SLC6A19: variants seen among roughly 807,000 people sequenced by gnomAD.
SLC6A19 encodes the protein sodium-dependent neutral amino acid transporter B(0)AT1.
SLC6A19 carries 67 observed loss-of-function variants against 68.3 expected under a neutral mutation model. The observed-to-expected ratio is 0.98, with a 90% CI of 0.81 to 1.20. The LOEUF is 1.20. Ranked by LOEUF, SLC6A19 falls within the 50% of genes most tolerant of loss-of-function variation. The pLI is 0.00. For missense variants in SLC6A19, 813 were observed against 851.6 expected (o/e 0.95, Z 0.56); for synonymous variants, 392 against 374.9 (o/e 1.05, Z -0.53).
At chr5:1,219,164 G>T in intron 9 of SLC6A19, 57 bp downstream of exon 9, 2 of 1,523,550 alleles carry the variant, frequency 1.3e-6, no homozygotes. Flanking sequence ...TGGGATGGCA[G>T]CCCCCGGCTG....
Position 1,215,392 on chromosome 5 carries a change from G to A in SLC6A19, c.888-1166G>A, listed in dbSNP as rs549461058. Among the ~76,000 whole-genome samples, 12 of 152,284 alleles carry A rather than the reference G, an allele frequency of 7.9e-5. No individual in the cohort carries two copies. In the East Asian group the frequency reaches 2.1e-3, roughly 27 times the overall value. On this transcript the variant is annotated intron_variant, in intron 6 of 11. Transcript: ENST00000304460. The surrounding 1 kb of genome is among the most constrained non-coding windows in gnomAD (Gnocchi z 5.1). ...CAATCAGCAAAAGCTCCACATATGTGAGCAGCCGCTCCCCAGTGCCCTGTC... is the reference window on the plus strand; with the variant it reads ...CAATCAGCAAAAGCTCCACATATGTAAGCAGCCGCTCCCCAGTGCCCTGTC...
chr5:1,206,472 G>A (rs191700320), intron 1 of SLC6A19, among the ~76,000 whole-genome samples: 1 of 152,268 alleles, frequency 6.6e-6, no homozygotes, highest in African/African-American at 2.4e-5. Flanking sequence ...GCCATCCCCT[G>A]AGGATGGTAG....
At position 1,212,142 on chromosome 5, in the gene SLC6A19, G is replaced by A. The variant is rs370908504; in HGVS notation, c.482-161G>A. ...GTGCTGTGTGCGTGCATGCATGTGC[G>A]TGCACGTGAGCATGTGTGCCTGTGT... is the stretch of plus-strand genomic sequence containing the variant. On this transcript the variant is annotated intron_variant, in intron 3 of 11. Coordinates refer to ENST00000304460, the MANE Select transcript of SLC6A19 (RefSeq NM_001003841.3). The surrounding 1 kb of genome is among the most constrained non-coding windows in gnomAD (Gnocchi z 5.1). Among the ~76,000 whole-genome samples the A allele has an allele frequency of 1.3e-4, 20 of 152,116 alleles. No homozygotes were observed. The highest frequency in any genetic ancestry group is 5.2e-4 in the Admixed American group (8 of 15,276).
rs1031359916 is a variant in SLC6A19, at chr5:1,209,582, CCT to C, written c.343+703_343+704del. On this transcript the variant is annotated intron_variant, in intron 2 of 11. Coordinates refer to ENST00000304460, the MANE Select transcript of SLC6A19 (RefSeq NM_001003841.3). The surrounding 1 kb of genome is among the most constrained non-coding windows in gnomAD (Gnocchi z 5.5). ...CTGAGTATCCAAGACCTCCCTCCTC[CCT>C]CTCTCTTCCTCTCTCTGTCTCTCCC... is the stretch of plus-strand genomic sequence containing the variant. Among the ~76,000 whole-genome samples the C allele has an allele frequency of 1.3e-5, 2 of 151,910 alleles. No individual in the cohort carries two copies. The highest frequency in any genetic ancestry group is 4.8e-5 in the African/African-American group (2 of 41,362).
rs765314958 is a variant in SLC6A19, at chr5:1,221,755, G to A, written c.1756G>A (p.Val586Met). The A allele has an allele frequency of 4.3e-5, 69 of 1,614,026 alleles. 1 individual carries two copies. The highest frequency in any genetic ancestry group is 1.6e-4 in the Middle Eastern group (1 of 6,084). Residue 586 changes from valine (V) to methionine (M), a missense_variant, in exon 12 of 12, where the codon GTG (valine) becomes ATG (methionine). Transcript: ENST00000304460. ...CTACCCGAACTGGGTGTATGTGGTG[G>A]TGGTGATTGTGGCTGGAGTGCCCTC... ...ISYPNWVYVV[V>M]VIVAGVPSLT...
chr5:1,208,208 G>A (rs1004645493), intron 1 of SLC6A19, among the ~76,000 whole-genome samples: 6 of 152,126 alleles, frequency 3.9e-5, no homozygotes, highest in African/African-American at 1.4e-4. Context: ...ATTCCCCACT[G>A]AGGCCACACA....
chr5:1,219,718 G>A, intron 10 of SLC6A19, 54 bp downstream of exon 10: 1 of 1,598,752 alleles, frequency 6.3e-7, no homozygotes, highest in Admixed American at 1.7e-5. Flanking sequence ...CAGGTCACAG[G>A]GCGTTCCTGT....
At chr5:1,221,052 C>G (rs928602132) in intron 10 of SLC6A19, 99 bp from the exon 11 acceptor site, 9 of 1,489,146 alleles carry the variant, frequency 6.0e-6, no homozygotes, top group Middle Eastern at 1.8e-4. Flanking sequence ...CCGGGCACCT[C>G]GCAGCACACC....
chr5:1,204,428 T>G (rs72709406), intron 1 of SLC6A19, among the ~76,000 whole-genome samples: 11,655 of 152,258 alleles, frequency 0.077, 463 homozygotes, highest in Middle Eastern at 0.1. Context: ...AGGGTGGTGC[T>G]GGGGGCAGTG....
At position 1,212,497 on chromosome 5, in the gene SLC6A19, C is replaced by T; in HGVS notation, c.663+13C>T. The T allele has an allele frequency of 6.2e-7, 1 of 1,604,802 alleles. No individual in the cohort carries two copies. The highest frequency in any genetic ancestry group is 8.5e-7 in the Non-Finnish European group (1 of 1,179,718). ...GACCACCGGGAAGGTACTGCATGGG[C>T]CCGGCCAGGCTGCAGGTGCTCCAGA... On this transcript the variant is annotated intron_variant, in intron 4 of 11. Transcript: ENST00000304460. This position sits in a 1 kb window ranked among gnomAD's most constrained non-coding sequence, Gnocchi z 5.1.
chr5:1,204,664 C>G (rs535225316), intron 1 of SLC6A19, among the ~76,000 whole-genome samples: 3,090 of 128,854 alleles, frequency 0.024, 45 homozygotes, highest in Non-Finnish European at 0.044. Flanking sequence ...GCTGGCCCCT[C>G]AGGGGCTGCC....
Position 1,214,085 on chromosome 5 carries a change from G to A in SLC6A19, c.887+20G>A. ...TGTGCAGTGAGTGCGGGTGTGGTGG[G>A]CCTCAGTTTCCCTCTCAGTCCTGGG... On this transcript the variant is annotated intron_variant, in intron 6 of 11. Transcript: ENST00000304460. This position sits in a 1 kb window ranked among gnomAD's most constrained non-coding sequence, Gnocchi z 7.4. The A allele has an allele frequency of 1.2e-6, 2 of 1,613,626 alleles. No individual in the cohort carries two copies. Among genetic ancestry groups the A allele is most frequent in the Admixed American group, 1.7e-5 (1 of 60,024 alleles).
intron 2 of SLC6A19, 82 bp from the exon 3 acceptor site, chr5:1,210,361 TG>T: frequency 1.3e-6 from 2 of 1,584,654 alleles, no homozygotes; most frequent in Non-Finnish European, 1.7e-6. Context: ...GTGCCAGCCC[TG>T]GGACCTCCTG....
In SLC6A19 at chr5:1,209,441, A is replaced by G. The variant is rs928877861; in HGVS notation, c.343+555A>G. ...TCCAGAGAGGAGTCTGAGTCCAGGA[A>G]GCACCTGCCCTTCGGAAGCCTGCAG... On this transcript the variant is annotated intron_variant, in intron 2 of 11. Transcript: ENST00000304460. This position sits in a 1 kb window ranked among gnomAD's most constrained non-coding sequence, Gnocchi z 5.5. 6.6e-6 allele frequency among the ~76,000 whole-genome samples: 1 copy of G among 152,090 alleles called. No homozygotes were observed. The highest frequency in any genetic ancestry group is 2.4e-5 in the African/African-American group (1 of 41,420).
rs1052437606 is a variant in SLC6A19 at position 1,214,299 on chromosome 5, C to T, written c.887+234C>T. Among the ~76,000 whole-genome samples, 1 of 152,088 alleles carries T rather than the reference C, an allele frequency of 6.6e-6. No homozygotes were observed. The highest frequency in any genetic ancestry group is 1.5e-5 in the Non-Finnish European group (1 of 68,004). On this transcript the variant is annotated intron_variant, in intron 6 of 11. Coordinates refer to ENST00000304460, the MANE Select transcript of SLC6A19 (RefSeq NM_001003841.3). The surrounding 1 kb of genome is among the most constrained non-coding windows in gnomAD (Gnocchi z 7.4). The stretch of plus-strand genomic sequence containing the variant: ...CCAGGAGCCGGGCGCCTGCAGCTTT[C>T]CCCACACCCGTCCCTCCACGAGCCT...
chr5:1,221,030 G>T, intron 10 of SLC6A19, 121 bp from the exon 11 acceptor site: 1 of 1,305,248 alleles, frequency 7.7e-7, no homozygotes, highest in Non-Finnish European at 1.1e-6. Context: ...ATCGGGCCCT[G>T]GCAAGGGGAG....
intron 8 of SLC6A19, among the ~76,000 whole-genome samples, chr5:1,217,356 G>A (rs6554666): frequency 0.36 from 54,387 of 152,224 alleles, 10,048 homozygotes; most frequent in Non-Finnish European, 0.41. Flanking sequence ...TTGGACTGGC[G>A]GGCGAGGCTC....
At chr5:1,210,717 G>A in intron 3 of SLC6A19, 136 bp downstream of exon 3, 1 of 1,307,774 alleles carries the variant, frequency 7.6e-7, no homozygotes, top group Non-Finnish European at 1.1e-6. Flanking sequence ...GTCAAAAAAT[G>A]ACAGCACGAA....
At chr5:1,213,667 G>A (rs1304346905) in intron 5 of SLC6A19, 94 bp downstream of exon 5, 6 of 1,278,640 alleles carry the variant, frequency 4.7e-6, no homozygotes, top group Non-Finnish European at 6.7e-6. Flanking sequence ...CACCCACGGG[G>A]ACAGGCAGCC....
Sources: allele counts gnomAD v4.1 joint callset (sites outside exome capture counted in the v4.1 genomes callset), GRCh38; gene constraint gnomAD v4.1.1; non-coding constraint Gnocchi (gnomAD v3.1); transcripts MANE v1.5; gene names NCBI Gene and HGNC (gene_info 2026-07-23, HGNC 2026-07-21).